GALNT2: variants seen among roughly 807,000 people sequenced by gnomAD.
The protein encoded by GALNT2 is polypeptide N-acetylgalactosaminyltransferase 2, also known as UDP-GalNAc:polypeptide N-acetylgalactosaminyltransferase 2.
A neutral mutation model predicts 81.4 loss-of-function variants in GALNT2; 31 were observed. The observed-to-expected ratio is 0.38, with a 90% confidence interval of 0.29 to 0.51. GALNT2 has a LOEUF of 0.51. Among genes scored for constraint, GALNT2 ranks in the 20% least tolerant of loss-of-function variants. The pLI is 0.87. For synonymous variants in GALNT2, 303 were observed against 287.4 expected (o/e 1.05, Z -0.55); for missense variants, 629 against 765.7 (o/e 0.82, Z 2.11).
At chr1:230,196,414 A>G (rs1283244458) in intron 2 of GALNT2, among the ~76,000 whole-genome samples, 1 of 152,126 alleles carries the variant, frequency 6.6e-6, no homozygotes, top group East Asian at 1.9e-4. Context: ...TGGGCTTGGC[A>G]TTTTCACTGT....
At position 230,243,821 on chromosome 1, in the gene GALNT2, C is replaced by T. The variant is rs1038956724; in HGVS notation, c.729+394C>T. The stretch of plus-strand genomic sequence containing the variant: ...ATCTCTTGCAGCTCGCAGAGCGGGG[C>T]GTGCTGGGGAAGCTGTCCCTGGGGC... On this transcript the variant is annotated intron_variant, in intron 7 of 15. Coordinates refer to ENST00000366672, the MANE Select transcript of GALNT2 (RefSeq NM_004481.5). This position sits in a 1 kb window ranked among gnomAD's most constrained non-coding sequence, Gnocchi z 4.2. 1.3e-5 allele frequency among the ~76,000 whole-genome samples: 2 copies of T among 152,122 alleles called. No homozygotes were observed. Among genetic ancestry groups the T allele is most frequent in the South Asian group, 2.1e-4 (1 of 4,828 alleles).
chr1:230,147,485 G>A (rs1661956326), intron 1 of GALNT2, among the ~76,000 whole-genome samples: 2 of 152,332 alleles, frequency 1.3e-5, no homozygotes, highest in South Asian at 4.1e-4. Context: ...GACTGGTGTC[G>A]CCTCTCCCTT....
intron 1 of GALNT2, among the ~76,000 whole-genome samples, chr1:230,172,605 GTGCC>G (rs1322130877): frequency 6.6e-6 from 1 of 152,320 alleles, no homozygotes. Flanking sequence ...TCGATCAATA[GTGCC>G]TAAGGGGCTT....
chr1:230,127,322 C>A (rs1183735802), intron 1 of GALNT2, among the ~76,000 whole-genome samples: 1 of 152,130 alleles, frequency 6.6e-6, no homozygotes, highest in Non-Finnish European at 1.5e-5. Context: ...ACACCTCCCC[C>A]TTCATCCCTG....
At chr1:230,206,005 A>G (rs947089398) in intron 3 of GALNT2, among the ~76,000 whole-genome samples, 1 of 152,160 alleles carries the variant, frequency 6.6e-6, no homozygotes, top group Non-Finnish European at 1.5e-5. Flanking sequence ...ACTCAGGGGA[A>G]TAAAGTCTAG....
At chr1:230,161,406 C>T (rs759341717) in intron 1 of GALNT2, among the ~76,000 whole-genome samples, 1 of 152,184 alleles carries the variant, frequency 6.6e-6, no homozygotes, top group Non-Finnish European at 1.5e-5. Context: ...TGCTGGCATC[C>T]AATTGGCCAA....
At chr1:230,138,031 A>G (rs1420844631) in intron 1 of GALNT2, among the ~76,000 whole-genome samples, 1 of 152,164 alleles carries the variant, frequency 6.6e-6, no homozygotes, top group Non-Finnish European at 1.5e-5. Flanking sequence ...TGATGACTTA[A>G]TAGAAAAAAC....
At chr1:230,208,346 G>A (rs1201485952) in intron 3 of GALNT2, among the ~76,000 whole-genome samples, 1 of 152,174 alleles carries the variant, frequency 6.6e-6, no homozygotes, top group Admixed American at 6.5e-5. Context: ...GCCAAGGATT[G>A]TGGCTGGCAC....
intron 3 of GALNT2, among the ~76,000 whole-genome samples, chr1:230,217,678 G>T (rs541309091): frequency 6.6e-6 from 1 of 152,342 alleles, no homozygotes; most frequent in African/African-American, 2.4e-5. Context: ...ACATTGTCTG[G>T]TGAGAATCTG....
rs116037413 is a variant in GALNT2 at position 230,241,441 on chromosome 1, T to C, written c.608-1865T>C. Among the ~76,000 whole-genome samples, 1,339 of 152,038 alleles carry C rather than the reference T, an allele frequency of 8.8e-3. 10 individuals carry two copies. Among genetic ancestry groups the C allele is most frequent in the Non-Finnish European group, 0.014 (947 of 67,966 alleles). On this transcript the variant is annotated intron_variant, in intron 6 of 15. Coordinates refer to ENST00000366672, the MANE Select transcript of GALNT2 (RefSeq NM_004481.5). ...GCTAGGATGAGTATGGTTTTTTTTT[T>C]TCGTTTGTTTGTTTGTTTGTTTGTG...
At chr1:230,154,777 AGC>A (rs1662195982) in intron 1 of GALNT2, among the ~76,000 whole-genome samples, 1 of 152,164 alleles carries the variant, frequency 6.6e-6, no homozygotes, top group African/African-American at 2.4e-5. Flanking sequence ...TCGCCCCTTG[AGC>A]GCAGACTTCC....
At position 230,275,620 on chromosome 1, in the gene GALNT2, AC is replaced by A. The variant is rs1417014303; in HGVS notation, c.1560+1058del. Among the ~76,000 whole-genome samples the A allele has an allele frequency of 6.6e-6, 1 of 151,450 alleles. No homozygotes were observed. Among genetic ancestry groups the A allele is most frequent in the Non-Finnish European group, 1.5e-5 (1 of 67,812 alleles). ...AGATACATGCTACATTTATATAAAC[AC>A]CACATATATATACGCCACATAGATA... On this transcript the variant is annotated intron_variant, in intron 15 of 15. Transcript: ENST00000366672. The surrounding 1 kb of genome is among the most constrained non-coding windows in gnomAD (Gnocchi z 5.5).
chr1:230,169,380 C>T (rs138139203), intron 1 of GALNT2, among the ~76,000 whole-genome samples: 1 of 152,244 alleles, frequency 6.6e-6, no homozygotes, highest in Admixed American at 6.5e-5. Flanking sequence ...GCCTGAGTTG[C>T]CTAAGGTCAT....
intron 11 of GALNT2, 35 bp downstream of exon 11, chr1:230,255,379 T>A: frequency 6.2e-7 from 1 of 1,613,702 alleles, no homozygotes; most frequent in South Asian, 1.1e-5. Context: ...GTCCAAAACA[T>A]TGATGACTAC....
chr1:230,058,033 G>A (rs1202648726), exon 1 of GALNT2: 3 of 456,268 alleles, frequency 6.6e-6, no homozygotes, highest in East Asian at 1.4e-4. Context: ...TCATCTATGT[G>A]GAATGTGGAC....
intron 1 of GALNT2, among the ~76,000 whole-genome samples, chr1:230,089,570 A>G (rs1351726002): frequency 6.6e-6 from 1 of 151,858 alleles, no homozygotes; most frequent in Non-Finnish European, 1.5e-5. Context: ...GTAACTCTCC[A>G]TTCTCCCTCC....
At position 230,203,122 on chromosome 1, in the gene GALNT2, C is replaced by T. The variant is rs765882971; in HGVS notation, c.221-15C>T. On this transcript the variant is annotated splice_polypyrimidine_tract_variant and intron_variant, in intron 2 of 15. Transcript: ENST00000366672. ...CATTTTCCCTCATCCCTACCCTCTG[C>T]TCTGCTCTTTTTAGGGAAAGTACGG... The T allele has an allele frequency of 1.2e-6, 2 of 1,611,898 alleles. No homozygotes were observed. Among genetic ancestry groups the T allele is most frequent in the Admixed American group, 1.7e-5 (1 of 59,926 alleles).
intron 1 of GALNT2, among the ~76,000 whole-genome samples, chr1:230,147,207 C>G (rs1383466962): frequency 6.6e-6 from 1 of 152,224 alleles, no homozygotes; most frequent in East Asian, 1.9e-4. Context: ...ACAGCATCCT[C>G]AATTTGGAGG....
intron 1 of GALNT2, among the ~76,000 whole-genome samples, chr1:230,112,403 G>C (rs759355476): frequency 1.3e-5 from 2 of 151,472 alleles, no homozygotes; most frequent in Non-Finnish European, 2.9e-5. Context: ...CCTGCATTTA[G>C]AGTGTGTGCG....
Sources: allele counts gnomAD v4.1 joint callset (sites outside exome capture counted in the v4.1 genomes callset), GRCh38; gene constraint gnomAD v4.1.1; non-coding constraint Gnocchi (gnomAD v3.1); transcripts MANE v1.5; gene names NCBI Gene and HGNC (gene_info 2026-07-23, HGNC 2026-07-21).